The following ZNF737 variants were observed in gnomAD, a reference collection of about 807,000 sequenced individuals.
The protein encoded by ZNF737 is zinc finger protein 102 (Y3).
ZNF737 carries 13 observed loss-of-function variants against 11.7 expected under a neutral mutation model. That is an observed-to-expected ratio of 1.11 (90% confidence interval 0.73 to 1.77). The LOEUF (loss-of-function observed/expected upper bound fraction) is 1.77, where lower values mean the gene tolerates loss of function less well. ZNF737 is among the 40% of genes most tolerant of loss of function. The pLI is 0.00. For missense variants in ZNF737, 636 were observed against 638.0 expected (o/e 1.00, Z 0.03); for synonymous variants, 217 against 216.2 (o/e 1.00, Z -0.03).
chr19:20,565,134 C>T (rs1403176947), intron 1 of ZNF737, among the ~76,000 whole-genome samples: 7 of 152,126 alleles, frequency 4.6e-5, no homozygotes, highest in African/African-American at 1.7e-4. Context: ...GGGGTTTCCC[C>T]ATTTGGGCCA....
At chr19:20,530,959 A>T (rs536078747), downstream of ZNF737, among the ~76,000 whole-genome samples, 6 of 148,818 alleles carry the variant, frequency 4.0e-5, no homozygotes, top group Non-Finnish European at 7.4e-5. Flanking sequence ...AGTTAACGAG[A>T]CTCCGTCTGC....
At chr19:20,556,479 T>C (rs1485786256) in intron 1 of ZNF737, among the ~76,000 whole-genome samples, 1 of 152,220 alleles carries the variant, frequency 6.6e-6, no homozygotes, top group Non-Finnish European at 1.5e-5. Context: ...TATAATTCAC[T>C]TGGTAATTTT....
downstream of ZNF737, among the ~76,000 whole-genome samples, chr19:20,535,192 C>A (rs1369386155): frequency 1.3e-5 from 2 of 152,042 alleles, no homozygotes; most frequent in Non-Finnish European, 2.9e-5. Context: ...GCATGAGAAT[C>A]ACTTGAACCT....
chr19:20,564,405 A>T (rs1969217553), intron 1 of ZNF737, among the ~76,000 whole-genome samples: 1 of 152,186 alleles, frequency 6.6e-6, no homozygotes, highest in South Asian at 2.1e-4. Flanking sequence ...TTCATTGTCT[A>T]CAGCCAAAAT....
At chr19:20,552,947 T>G (rs565424685) in intron 2 of ZNF737, among the ~76,000 whole-genome samples, 8 of 150,580 alleles carry the variant, frequency 5.3e-5, no homozygotes, top group Non-Finnish European at 1.2e-4. Context: ...GGGAGGTGGA[T>G]GTTTCAGTAA....
Position 20,540,775 on chromosome 19 carries a change from T to C in ZNF737, c.*3817A>G. 4 of 894,138 alleles carry C rather than the reference T, an allele frequency of 4.5e-6. No individual in the cohort carries two copies. In the South Asian group the frequency reaches 2.1e-4, roughly 47 times the overall value. 55.4% of individuals were successfully genotyped at this position (894,138 alleles called of 1,614,324 possible). On this transcript the variant is annotated 3_prime_UTR_variant, in exon 4 of 4. Transcript: ENST00000427401. ...CTCCATCATGGAAAAAAAAAAAGAG[T>C]CTTTCTGCTGCTTTTGTTATCTACA...
chr19:20,547,148 G>A (rs1489079223), intron 3 of ZNF737, among the ~76,000 whole-genome samples: 2 of 151,988 alleles, frequency 1.3e-5, no homozygotes, highest in African/African-American at 2.4e-5. Context: ...TTTGGAGGCC[G>A]AGGCAGGTGG....
intron 1 of ZNF737, among the ~76,000 whole-genome samples, chr19:20,559,310 T>A (rs2144688558): frequency 6.6e-6 from 1 of 152,266 alleles, no homozygotes; most frequent in East Asian, 1.9e-4. Context: ...CCAGAATTTA[T>A]TAGAAACTTA....
At position 20,540,045 on chromosome 19, in the gene ZNF737, A is replaced by C; in HGVS notation, c.*4547T>G. ...TGAGAGGTGATTATTTCTTGAATGA[A>C]TGAGATTCCCTTTTTTTTCCCTCTG... On this transcript the variant is annotated 3_prime_UTR_variant, in exon 4 of 4. Coordinates refer to ENST00000427401, the MANE Select transcript of ZNF737 (RefSeq NM_001159293.2). The C allele has an allele frequency of 1.0e-6, 1 of 985,378 alleles. No homozygotes were observed. Among genetic ancestry groups the C allele is most frequent in the Non-Finnish European group, 1.2e-6 (1 of 829,922 alleles). 61.0% of individuals were successfully genotyped at this position (985,378 alleles called of 1,614,324 possible).
intron 3 of ZNF737, among the ~76,000 whole-genome samples, chr19:20,550,816 G>A (rs1404053647): frequency 6.6e-6 from 1 of 152,230 alleles, no homozygotes; most frequent in African/African-American, 2.4e-5. Flanking sequence ...GTAAGGTTGA[G>A]AAGTGTTCTA....
chr19:20,552,606 C>T (rs1968723671), intron 2 of ZNF737, 36 bp from the exon 3 acceptor site: 5 of 1,453,974 alleles, frequency 3.4e-6, no homozygotes, highest in African/African-American at 1.4e-5. Flanking sequence ...GAATCTTGCT[C>T]ATATTCTCCA....
rs1055458701 is a variant in ZNF737 at position 20,538,574 on chromosome 19, C to G, written c.*6018G>C. ...GCTTTCTGCAAAAAGTAAAAATGGC[C>G]TTGCTAAGAAAAATTAAATTTATTT... is the stretch of plus-strand genomic sequence containing the variant. On this transcript the variant is annotated 3_prime_UTR_variant, in exon 4 of 4. Transcript: ENST00000427401. 3.2e-6 allele frequency: 3 copies of G among 924,966 alleles called. No homozygotes were observed. The African/African-American group carries it at 5.4e-5, about 17-fold the overall frequency. 57.3% of individuals were successfully genotyped at this position (924,966 alleles called of 1,614,324 possible). A position where few individuals can be genotyped will look rare whatever the true frequency, so the allele number is the denominator to read the frequency against.
chr19:20,544,654 C>A lies in ZNF737; in HGVS notation c.1549G>T (p.Gly517Cys). ...KPYKCEECGK[G>C]FKCPSTLTTH... ...GTAAGGGTAGAGGGGCACTTAAAGCCTTTGCCACATTCTTCACATTTGTAG... is the reference window on the plus strand; with the variant it reads ...GTAAGGGTAGAGGGGCACTTAAAGCATTTGCCACATTCTTCACATTTGTAG... The change falls in exon 4 of 4, where the codon GGC (glycine) becomes TGC (cysteine). Residue 517 changes from glycine to cysteine, a missense_variant. Physicochemically the swap from Gly to Cys is radical, Grantham distance 159. Transcript: ENST00000427401. 6.2e-7 allele frequency: 1 copy of A among 1,609,114 alleles called. No individual in the cohort carries two copies. The highest frequency in any genetic ancestry group is 1.7e-4 in the Middle Eastern group (1 of 6,044).
intron 1 of ZNF737, among the ~76,000 whole-genome samples, chr19:20,559,506 T>G (rs1432175187): frequency 6.6e-6 from 1 of 151,936 alleles, no homozygotes; most frequent in Non-Finnish European, 1.5e-5. Flanking sequence ...TGCTCATCAC[T>G]AATCACTAGA....
In ZNF737 at chr19:20,541,184, G is replaced by GTT. The variant is rs1968190034; in HGVS notation, c.*3406_*3407dup. The GTT allele has an allele frequency of 1.0e-6, 1 of 982,340 alleles. No homozygotes were observed. The highest frequency in any genetic ancestry group is 1.2e-6 in the Non-Finnish European group (1 of 827,338). 60.9% of individuals were successfully genotyped at this position (982,340 alleles called of 1,614,324 possible). A position where few individuals can be genotyped will look rare whatever the true frequency, so the allele number is the denominator to read the frequency against. ...CACCATTTTAAAAGTGTTTAGTTTT[G>GTT]TTAATCACCTAAATAACATAATTTG... is the stretch of plus-strand genomic sequence containing the variant. On this transcript the variant is annotated 3_prime_UTR_variant, in exon 4 of 4. Coordinates refer to ENST00000427401, the MANE Select transcript of ZNF737 (RefSeq NM_001159293.2).
chr19:20,546,314 C>T (rs10418492), intron 3 of ZNF737, among the ~76,000 whole-genome samples: 13,425 of 152,174 alleles, frequency 0.088, 798 homozygotes, highest in Middle Eastern at 0.17. Context: ...AATTTCCAGT[C>T]GGATGCAGTC....
intron 3 of ZNF737, among the ~76,000 whole-genome samples, chr19:20,548,251 G>A (rs573347712): frequency 2.0e-5 from 3 of 152,268 alleles, no homozygotes; most frequent in South Asian, 4.1e-4. Context: ...CCAAAAGGCT[G>A]AAGCAACCCA....
At chr19:20,548,249 C>A (rs901753596) in intron 3 of ZNF737, among the ~76,000 whole-genome samples, 1 of 152,094 alleles carries the variant, frequency 6.6e-6, no homozygotes, top group Non-Finnish European at 1.5e-5. Flanking sequence ...AGCCAAAAGG[C>A]TGAAGCAACC....
chr19:20,542,825 A>T lies in ZNF737; in HGVS notation c.*1767T>A, dbSNP rs1968271110. On this transcript the variant is annotated 3_prime_UTR_variant, in exon 4 of 4. Transcript: ENST00000427401. ...CTCTGATGCAGAAGCCACTGATCAC[A>T]TGCTTTCTCACATGTGAATAGAAAT... 3 of 985,240 alleles carry T rather than the reference A, an allele frequency of 3.0e-6. No individual in the cohort carries two copies. In the East Asian group the frequency reaches 3.4e-4, roughly 112 times the overall value. The allele number at this position is 985,240 out of a possible 1,614,324, so 61.0% of individuals were successfully genotyped here.
Sources: allele counts gnomAD v4.1 joint callset (sites outside exome capture counted in the v4.1 genomes callset), GRCh38; gene constraint gnomAD v4.1.1; transcripts MANE v1.5; gene names NCBI Gene and HGNC (gene_info 2026-07-23, HGNC 2026-07-21).